The following NOVA1 variants were observed in gnomAD, a reference collection of about 807,000 sequenced individuals.
NOVA1 encodes the protein NOVA alternative splicing regulator 1.
Under a neutral mutation model 38.0 loss-of-function variants are expected in NOVA1, and 7 were observed. That is an observed-to-expected ratio of 0.18 (90% CI 0.10 to 0.35). NOVA1 has a LOEUF of 0.35. NOVA1 is among the 10% of genes least tolerant of loss of function. NOVA1 has a pLI of 1.00. For missense variants in NOVA1, 460 were observed against 616.0 expected (o/e 0.75, Z 2.68); for synonymous variants, 270 against 232.5 (o/e 1.16, Z -1.47).
At chr14:26,543,157 C>A (rs1189348332) in intron 2 of NOVA1, among the ~76,000 whole-genome samples, 1 of 151,886 alleles carries the variant, frequency 6.6e-6, no homozygotes, top group Non-Finnish European at 1.5e-5. Flanking sequence ...ATTCCCCATA[C>A]ATATGTACAA....
intron 4 of NOVA1, among the ~76,000 whole-genome samples, chr14:26,457,582 A>G (rs2755204): frequency 0.61 from 92,130 of 152,030 alleles, 31,713 homozygotes; most frequent in Non-Finnish European, 0.75. Context: ...GTTGTACACA[A>G]AGTATTGCAC....
At chr14:26,523,491 T>C (rs1039340251) in intron 2 of NOVA1, among the ~76,000 whole-genome samples, 1 of 152,190 alleles carries the variant, frequency 6.6e-6, no homozygotes, top group African/African-American at 2.4e-5. Flanking sequence ...TACAATTCCA[T>C]GGTATGGCAA....
At chr14:26,569,428 T>A (rs1892337211) in intron 2 of NOVA1, among the ~76,000 whole-genome samples, 1 of 152,216 alleles carries the variant, frequency 6.6e-6, no homozygotes, top group Non-Finnish European at 1.5e-5. Context: ...TATTTAAAAA[T>A]CTGATTTACA....
At chr14:26,526,625 T>G (rs2138528692) in intron 2 of NOVA1, among the ~76,000 whole-genome samples, 1 of 152,284 alleles carries the variant, frequency 6.6e-6, no homozygotes, top group East Asian at 1.9e-4. Context: ...CATATCATCA[T>G]TTTATTCCTT....
At chr14:26,497,243 C>T (rs148989089) in intron 2 of NOVA1, among the ~76,000 whole-genome samples, 27 of 152,064 alleles carry the variant, frequency 1.8e-4, no homozygotes, top group Admixed American at 1.0e-3. Flanking sequence ...TTACAAGGGA[C>T]GTGAAGGACC....
intron 2 of NOVA1, among the ~76,000 whole-genome samples, chr14:26,578,218 G>C (rs1892983899): frequency 6.6e-6 from 1 of 152,064 alleles, no homozygotes. Flanking sequence ...TTGGGTCAAA[G>C]TCCTAATTGG....
chr14:26,520,076 C>T (rs1306443713), intron 2 of NOVA1, among the ~76,000 whole-genome samples: 1 of 152,196 alleles, frequency 6.6e-6, no homozygotes, highest in Non-Finnish European at 1.5e-5. Context: ...CATTTAAAAA[C>T]ACCTTATTTA....
chr14:26,467,980 C>G (rs1327809683), intron 4 of NOVA1, among the ~76,000 whole-genome samples: 1 of 152,154 alleles, frequency 6.6e-6, no homozygotes, highest in Non-Finnish European at 1.5e-5. Flanking sequence ...ACAATCTTCT[C>G]CCCTTGAGTG....
intron 3 of NOVA1, among the ~76,000 whole-genome samples, chr14:26,478,852 C>T (rs1885204178): frequency 6.6e-6 from 1 of 151,592 alleles, no homozygotes. Context: ...ATGATTTAAA[C>T]ATAAAGGGAT....
chr14:26,517,861 C>G (rs1368235510), intron 2 of NOVA1, among the ~76,000 whole-genome samples: 1 of 152,076 alleles, frequency 6.6e-6, no homozygotes, highest in Non-Finnish European at 1.5e-5. Flanking sequence ...GTTTCCTCTT[C>G]CTGAATTTCA....
At chr14:26,589,556 A>G (rs1401507370) in intron 2 of NOVA1, among the ~76,000 whole-genome samples, 1 of 151,824 alleles carries the variant, frequency 6.6e-6, no homozygotes, top group Non-Finnish European at 1.5e-5. Flanking sequence ...TGCCAAAGCC[A>G]TCAATATTCT....
intron 2 of NOVA1, among the ~76,000 whole-genome samples, chr14:26,564,496 G>A (rs1950745026): frequency 6.6e-6 from 1 of 152,070 alleles, no homozygotes; most frequent in African/African-American, 2.4e-5. Flanking sequence ...GAGTTCATGT[G>A]GATACTAAGT....
intron 4 of NOVA1, among the ~76,000 whole-genome samples, chr14:26,458,096 C>G (rs1026611501): frequency 5.3e-5 from 8 of 151,980 alleles, no homozygotes; most frequent in Admixed American, 1.3e-4. Flanking sequence ...CATCACTAAT[C>G]GTTAGAGAAA....
intron 2 of NOVA1, among the ~76,000 whole-genome samples, chr14:26,581,213 G>C (rs147076377): frequency 4.5e-4 from 68 of 152,158 alleles, no homozygotes; most frequent in African/African-American, 1.5e-3. Context: ...TACTTCCACA[G>C]AGGCGTTAAG....
At chr14:26,596,886 T>C in intron 1 of NOVA1, 1 of 1,153,552 alleles carries the variant, frequency 8.7e-7, no homozygotes, top group Non-Finnish European at 1.1e-6. Context: ...CCAAGTGCCA[T>C]TTATTTATTT....
intron 2 of NOVA1, among the ~76,000 whole-genome samples, chr14:26,534,701 T>TA (rs2138569289): frequency 6.6e-6 from 1 of 152,274 alleles, no homozygotes; most frequent in East Asian, 1.9e-4. Context: ...AATGTCACTT[T>TA]ATATGGCAAA....
At chr14:26,558,658 T>C (rs541277174) in intron 2 of NOVA1, among the ~76,000 whole-genome samples, 5 of 152,266 alleles carry the variant, frequency 3.3e-5, no homozygotes, top group South Asian at 2.1e-4. Context: ...TGACAAACTA[T>C]GACATAAAAC....
intron 2 of NOVA1, among the ~76,000 whole-genome samples, chr14:26,557,811 C>T (rs1891586649): frequency 6.6e-6 from 1 of 151,904 alleles, no homozygotes; most frequent in Non-Finnish European, 1.5e-5. Context: ...AACTTGCACA[C>T]AAAAGTTTAC....
chr14:26,525,809 C>T (rs1172950249), intron 2 of NOVA1, among the ~76,000 whole-genome samples: 1 of 151,990 alleles, frequency 6.6e-6, no homozygotes, highest in Non-Finnish European at 1.5e-5. Flanking sequence ...ATTTTCATCT[C>T]TACTCTTTTT....
Sources: gnomAD v4.1 joint callset for allele counts (sites outside exome capture counted in the v4.1 genomes callset) on GRCh38, gnomAD v4.1.1 for gene constraint, MANE v1.5 for transcripts, NCBI Gene and HGNC (gene_info 2026-07-23, HGNC 2026-07-21) for gene names.